The following ANK2 variants were observed in gnomAD, a reference collection of about 807,000 sequenced individuals.
The protein encoded by ANK2 is ankyrin-2.
Under a neutral mutation model 360.5 loss-of-function variants are expected in ANK2, and 83 were observed. That is an observed-to-expected ratio of 0.23 (90% CI 0.19 to 0.28). The LOEUF (loss-of-function observed/expected upper bound fraction) is 0.28, where lower values mean the gene tolerates loss of function less well. Ranked by LOEUF, ANK2 falls within the 10% of genes least tolerant of loss-of-function variation. ANK2 has a pLI of 1.00. For missense variants in ANK2, 4,201 were observed against 4,795.7 expected (o/e 0.88, Z 3.66); for synonymous variants, 1,740 against 1,759.5 (o/e 0.99, Z 0.28).
intron 1 of ANK2, among the ~76,000 whole-genome samples, chr4:112,899,957 T>G (rs1190693291): frequency 6.6e-6 from 1 of 152,120 alleles, no homozygotes; most frequent in Non-Finnish European, 1.5e-5. Flanking sequence ...CATCTCTCCA[T>G]ATAGACCAAA....
chr4:113,112,895 TCTC>T (rs1229096442), intron 1 of ANK2, among the ~76,000 whole-genome samples: 1 of 152,200 alleles, frequency 6.6e-6, no homozygotes, highest in Non-Finnish European at 1.5e-5. Context: ...AGCCAAATCA[TCTC>T]CTTGTGGAAA....
At chr4:113,180,802 G>T (rs1280179153) in intron 2 of ANK2, among the ~76,000 whole-genome samples, 1 of 152,012 alleles carries the variant, frequency 6.6e-6, no homozygotes, top group Non-Finnish European at 1.5e-5. Flanking sequence ...GTTAAATTAG[G>T]CACAAATATA....
chr4:113,122,120 G>GT (rs1347671869), intron 1 of ANK2, among the ~76,000 whole-genome samples: 1 of 152,062 alleles, frequency 6.6e-6, no homozygotes, highest in Non-Finnish European at 1.5e-5. Flanking sequence ...TGAGTTGAAA[G>GT]TGTGTTATAA....
At chr4:112,805,139 A>T in the ANK2 span, among the ~76,000 whole-genome samples, 14 of 152,346 alleles carry the variant, frequency 9.2e-5, no homozygotes, top group Middle Eastern at 3.4e-3. Context: ...AATGCGAAGT[A>T]GCCACGGAAA....
At chr4:112,877,461 C>CA (rs1271227841) in intron 1 of ANK2, among the ~76,000 whole-genome samples, 1 of 152,176 alleles carries the variant, frequency 6.6e-6, no homozygotes, top group Non-Finnish European at 1.5e-5. Context: ...GTGATCCTCA[C>CA]ATCTCAGCCT....
chr4:113,245,050 A>G (rs1048491010), intron 9 of ANK2, among the ~76,000 whole-genome samples: 6 of 152,078 alleles, frequency 3.9e-5, no homozygotes, highest in African/African-American at 7.2e-5. Flanking sequence ...AGTTTTTGCT[A>G]TGTGAATAGG....
chr4:112,920,118 G>A (rs1415444365), intron 2 of ANK2, among the ~76,000 whole-genome samples: 2 of 152,122 alleles, frequency 1.3e-5, no homozygotes, highest in Non-Finnish European at 2.9e-5. Context: ...ATTAGGTCTA[G>A]AACTCGTGTC....
At chr4:113,319,810 C>A (rs879062248) in intron 26 of ANK2, among the ~76,000 whole-genome samples, 2 of 152,008 alleles carry the variant, frequency 1.3e-5, no homozygotes, top group Admixed American at 1.3e-4. Flanking sequence ...CTATAGATTA[C>A]TAAAAAGATA....
At chr4:113,150,347 C>T (rs1308850643) in intron 1 of ANK2, among the ~76,000 whole-genome samples, 1 of 152,162 alleles carries the variant, frequency 6.6e-6, no homozygotes, top group Non-Finnish European at 1.5e-5. Context: ...TCCTCTAGTG[C>T]TGTGGCCAGT....
Position 113,277,854 on chromosome 4 carries a change from G to T in ANK2, c.1701G>T (p.Leu567=). 5 of 1,613,676 alleles carry T rather than the reference G, an allele frequency of 3.1e-6. No homozygotes were observed. Among genetic ancestry groups the T allele is most frequent in the Non-Finnish European group, 4.2e-6 (5 of 1,179,624 alleles). The part of the protein sequence containing the change: ...SLATKKGFTP[L]HVAAKYGSLD... ...ATTTTCAGAAGGGTTTTACTCCCCT[G>T]CATGTAGCAGCCAAGTATGGAAGCC... The change falls in exon 16 of 46, where the codon CTG becomes CTT. Residue 567 remains leucine, a synonymous_variant. Coordinates refer to ENST00000357077, the MANE Select transcript of ANK2 (RefSeq NM_001148.6).
the ANK2 span, among the ~76,000 whole-genome samples, chr4:112,809,299 C>T: frequency 6.6e-6 from 1 of 150,846 alleles, no homozygotes. Flanking sequence ...CGGTGGCTCA[C>T]GCCTGTAATC....
At chr4:113,068,782 T>C (rs1430365555) in intron 1 of ANK2, among the ~76,000 whole-genome samples, 1 of 152,160 alleles carries the variant, frequency 6.6e-6, no homozygotes, top group Non-Finnish European at 1.5e-5. Context: ...AAGTTAGAGC[T>C]GGGCATGGTG....
rs2097354327 is a variant in ANK2, at chr4:113,157,718, T to C, written c.85-16698T>C. 1.3e-5 allele frequency among the ~76,000 whole-genome samples: 2 copies of C among 152,176 alleles called. 1 individual carries two copies. Among genetic ancestry groups the C allele is most frequent in the South Asian group, 4.1e-4 (2 of 4,822 alleles). ...AGGCAGGAAGCAGCAGCCACTCCTATATGTCGGTCAACAGTGGAAAGGTAT... is the reference window on the plus strand; with the variant it reads ...AGGCAGGAAGCAGCAGCCACTCCTACATGTCGGTCAACAGTGGAAAGGTAT... On this transcript the variant is annotated intron_variant, in intron 1 of 45. Coordinates refer to ENST00000357077, the MANE Select transcript of ANK2 (RefSeq NM_001148.6).
chr4:113,097,310 A>G (rs914172061), intron 1 of ANK2, among the ~76,000 whole-genome samples: 7 of 151,872 alleles, frequency 4.6e-5, no homozygotes, highest in African/African-American at 1.7e-4. Flanking sequence ...AGTTAAGTTA[A>G]TAGAACTCAT....
chr4:112,860,467 C>T (rs1013263903), intron 1 of ANK2, among the ~76,000 whole-genome samples: 6 of 151,990 alleles, frequency 3.9e-5, no homozygotes, highest in East Asian at 1.9e-4. Flanking sequence ...CCTCATGATC[C>T]GCCGGCCTTT....
chr4:112,926,328 G>C lies in ANK2; in HGVS notation c.21+21814G>C, dbSNP rs192922450. Among the ~76,000 whole-genome samples the C allele has an allele frequency of 2.6e-5, 4 of 152,160 alleles. No homozygotes were observed. The South Asian group carries it at 8.3e-4, about 32-fold the overall frequency. ...GCTCAGAGTCTACTCTTTAAAATTG[G>C]TAAAATATTTCTTTTTCTAATAAAA... On this transcript the variant is annotated intron_variant, in intron 2 of 30. Coordinates refer to the ANK2 transcript ENST00000503271.
chr4:113,242,285 A>C, intron 9 of ANK2, 76 bp downstream of exon 9: 1 of 1,252,446 alleles, frequency 8.0e-7, no homozygotes. Context: ...TCAAGACACC[A>C]GGTCATTAAC....
intron 10 of ANK2, among the ~76,000 whole-genome samples, chr4:113,253,133 T>A (rs1440916652): frequency 6.6e-6 from 1 of 152,202 alleles, no homozygotes; most frequent in Non-Finnish European, 1.5e-5. Flanking sequence ...CTACATTCTC[T>A]CCCGTTACTA....
intron 1 of ANK2, among the ~76,000 whole-genome samples, chr4:112,885,355 T>C (rs979795540): frequency 6.6e-6 from 1 of 150,434 alleles, no homozygotes; most frequent in Non-Finnish European, 1.5e-5. Flanking sequence ...AAAAATTAGC[T>C]GGGTGTGGAG....
Sources: gnomAD v4.1 joint callset for allele counts (sites outside exome capture counted in the v4.1 genomes callset) on GRCh38, gnomAD v4.1.1 for gene constraint, MANE v1.5 for transcripts, NCBI Gene and HGNC (gene_info 2026-07-23, HGNC 2026-07-21) for gene names.